Variants in RBFOX1 observed in about 807,000 individuals in gnomAD.
The protein encoded by RBFOX1 is RNA binding fox-1 homolog 1.
In RBFOX1, 8 loss-of-function variants were observed where a neutral mutation model predicts 57.7. The ratio of observed to expected loss-of-function variants is 0.14; its 90% CI spans 0.08 to 0.25. The LOEUF is 0.25. RBFOX1 is among the 10% of genes least tolerant of loss of function. The probability of loss-of-function intolerance (pLI) is 1.00; values close to 1 mark genes in which losing one functional copy is unlikely to be tolerated. For missense variants in RBFOX1, 611 were observed against 548.5 expected, an observed-to-expected ratio of 1.11 and a Z score of -1.14; for synonymous variants, 326 against 222.4, an observed-to-expected ratio of 1.47 and a Z score of -4.15.
chr16:5,774,073 A>G (rs1261867869), intron 3 of RBFOX1, among the ~76,000 whole-genome samples: 3 of 152,172 alleles, frequency 2.0e-5, no homozygotes, highest in African/African-American at 7.2e-5. Context: ...CAACAATGTG[A>G]TGTCTGCTTT....
At chr16:6,671,460 A>G (rs11077062) in intron 3 of RBFOX1, among the ~76,000 whole-genome samples, 88,638 of 152,066 alleles carry the variant, frequency 0.58, 26,047 homozygotes, top group East Asian at 0.61. Flanking sequence ...TGATATTTGA[A>G]CATTAGAAAG....
chr16:5,829,339 G>T (rs1243467718), intron 3 of RBFOX1, among the ~76,000 whole-genome samples: 1 of 152,188 alleles, frequency 6.6e-6, no homozygotes, highest in Non-Finnish European at 1.5e-5. Flanking sequence ...TATGCATTTT[G>T]AAAAGATCAT....
rs529127021 is a variant in RBFOX1, at chr16:5,291,420, G to A, written c.219+51315G>A. Among the ~76,000 whole-genome samples, 340 of 152,028 alleles carry A rather than the reference G, an allele frequency of 2.2e-3. 2 individuals carry two copies. The highest frequency in any genetic ancestry group is 7.8e-3 in the African/African-American group (324 of 41,426). ...TGGGACTACAGGCACCCGCCACCAC[G>A]CCCTGCTAATTTTTTTGTATTTTTA... On this transcript the variant is annotated intron_variant, in intron 1 of 2. Coordinates refer to the RBFOX1 transcript ENST00000585867.
chr16:6,205,743 G>A (rs1039891635), intron 1 of RBFOX1, among the ~76,000 whole-genome samples: 1 of 151,486 alleles, frequency 6.6e-6, no homozygotes, highest in East Asian at 1.9e-4. Context: ...TGGTGTGTTT[G>A]GTTATTCTAT....
At chr16:7,580,957 G>A (rs890037798) in intron 6 of RBFOX1, among the ~76,000 whole-genome samples, 8 of 152,110 alleles carry the variant, frequency 5.3e-5, no homozygotes, top group African/African-American at 1.9e-4. Context: ...ATCACAAAAG[G>A]AACAAGAAGA....
intron 4 of RBFOX1, among the ~76,000 whole-genome samples, chr16:7,493,888 C>T (rs1308245818): frequency 6.6e-6 from 1 of 152,184 alleles, no homozygotes; most frequent in Admixed American, 6.5e-5. Context: ...TCATCATTAT[C>T]GTCATCTCAG....
At chr16:6,943,487 T>C (rs893285188) in intron 3 of RBFOX1, among the ~76,000 whole-genome samples, 2 of 152,140 alleles carry the variant, frequency 1.3e-5, no homozygotes, top group African/African-American at 4.8e-5. Context: ...GGCAGGCGGA[T>C]CACAAGGTCA....
intron 4 of RBFOX1, among the ~76,000 whole-genome samples, chr16:7,116,258 A>G (rs917030974): frequency 2.0e-5 from 3 of 152,136 alleles, no homozygotes; most frequent in Admixed American, 1.3e-4. Context: ...CAGTAAACCA[A>G]TCAAATCCTG....
At chr16:5,900,563 C>T (rs904874151) in intron 4 of RBFOX1, among the ~76,000 whole-genome samples, 1 of 152,178 alleles carries the variant, frequency 6.6e-6, no homozygotes, top group Non-Finnish European at 1.5e-5. Flanking sequence ...TTCATCGCAA[C>T]CTTCCTGCTC....
At chr16:6,029,083 ACTT>A (rs2095249012) in intron 1 of RBFOX1, among the ~76,000 whole-genome samples, 1 of 152,026 alleles carries the variant, frequency 6.6e-6, no homozygotes, top group Non-Finnish European at 1.5e-5. Flanking sequence ...CGAGCTAGTC[ACTT>A]CTTATTTTTT....
chr16:6,082,642 G>A (rs1483987567), intron 1 of RBFOX1, among the ~76,000 whole-genome samples: 1 of 151,998 alleles, frequency 6.6e-6, no homozygotes, highest in Non-Finnish European at 1.5e-5. Flanking sequence ...ACCAAATGCT[G>A]GCAATAGGGA....
At chr16:6,653,749 G>T (rs1318316115) in intron 2 of RBFOX1, among the ~76,000 whole-genome samples, 1 of 151,806 alleles carries the variant, frequency 6.6e-6, no homozygotes, top group African/African-American at 2.4e-5. Flanking sequence ...TGGATGGATG[G>T]GTGGGTAGAT....
intron 3 of RBFOX1, among the ~76,000 whole-genome samples, chr16:5,850,097 G>A (rs1213943013): frequency 6.6e-6 from 1 of 152,088 alleles, no homozygotes; most frequent in African/African-American, 2.4e-5. Flanking sequence ...ACCCAGGCTG[G>A]GAGTCTGGGT....
intron 2 of RBFOX1, among the ~76,000 whole-genome samples, chr16:6,368,979 G>A (rs2090057602): frequency 6.6e-6 from 1 of 152,168 alleles, no homozygotes; most frequent in Non-Finnish European, 1.5e-5. Context: ...ACAATAGGAT[G>A]TGTTATCCTC....
At chr16:5,777,795 T>C (rs1457588394) in intron 3 of RBFOX1, among the ~76,000 whole-genome samples, 2 of 152,206 alleles carry the variant, frequency 1.3e-5, no homozygotes, top group Non-Finnish European at 2.9e-5. Context: ...ACAGGAGTAA[T>C]ACCCTCACTC....
At chr16:6,738,522 A>G (rs1244012298) in intron 3 of RBFOX1, among the ~76,000 whole-genome samples, 2 of 152,178 alleles carry the variant, frequency 1.3e-5, no homozygotes, top group Admixed American at 6.5e-5. Flanking sequence ...AAACAGATAT[A>G]TGAACCCACA....
At chr16:5,782,089 T>C (rs1314756168) in intron 3 of RBFOX1, among the ~76,000 whole-genome samples, 1 of 152,230 alleles carries the variant, frequency 6.6e-6, no homozygotes, top group East Asian at 1.9e-4. Flanking sequence ...CACATGCCTG[T>C]AGTCCCAGCT....
At chr16:7,190,949 C>G (rs904841904) in intron 4 of RBFOX1, among the ~76,000 whole-genome samples, 71 of 151,888 alleles carry the variant, frequency 4.7e-4, no homozygotes, top group African/African-American at 1.4e-3. Flanking sequence ...GGACTTCTCC[C>G]TAATCATCTC....
At chr16:6,908,061 C>T (rs1229994699) in intron 3 of RBFOX1, among the ~76,000 whole-genome samples, 2 of 151,928 alleles carry the variant, frequency 1.3e-5, no homozygotes, top group East Asian at 3.9e-4. Flanking sequence ...ACTTGATCTT[C>T]TGCAGAGACC....
Sources: allele counts gnomAD v4.1 joint callset (sites outside exome capture counted in the v4.1 genomes callset), GRCh38; gene constraint gnomAD v4.1.1; transcripts MANE v1.5; gene names NCBI Gene and HGNC (gene_info 2026-07-23, HGNC 2026-07-21).